The following RYR3 variants were observed in gnomAD, a reference collection of about 807,000 sequenced individuals.
RYR3 encodes brain ryanodine receptor-calcium release channel.
In RYR3, 207 loss-of-function variants were observed where a neutral mutation model predicts 584.3. The ratio of observed to expected loss-of-function variants is 0.35; its 90% confidence interval spans 0.32 to 0.40. The LOEUF is 0.40. Among genes scored for constraint, RYR3 ranks in the 10% least tolerant of loss-of-function variants. The pLI, the probability that RYR3 is intolerant of heterozygous loss-of-function variation, is 1.00. For missense variants in RYR3, 5,616 were observed against 6,089.2 expected, an observed-to-expected ratio of 0.92 and a Z score of 2.59; for synonymous variants, 2,416 against 2,248.5, an observed-to-expected ratio of 1.07 and a Z score of -2.11.
chr15:33,861,866 C>T (rs373950651), intron 102 of RYR3, among the ~76,000 whole-genome samples: 1 of 152,136 alleles, frequency 6.6e-6, no homozygotes, highest in Non-Finnish European at 1.5e-5. Context: ...CTCAGGTGAT[C>T]TGCCTGCCTC....
At chr15:33,502,973 G>T (rs2052132410) in intron 2 of RYR3, among the ~76,000 whole-genome samples, 1 of 152,212 alleles carries the variant, frequency 6.6e-6, no homozygotes, top group African/African-American at 2.4e-5. Context: ...AGTATGCAAA[G>T]AAGGCTATCT....
intron 26 of RYR3, 143 bp from the exon 27 acceptor site, chr15:33,636,230 ACTC>A (rs2061490977): frequency 1.4e-6 from 1 of 722,888 alleles, no homozygotes; most frequent in Non-Finnish European, 2.4e-6. Flanking sequence ...AACATAGACC[ACTC>A]CTCCTTGTTG....
At chr15:33,460,596 C>A (rs1278667106) in intron 1 of RYR3, among the ~76,000 whole-genome samples, 5 of 152,188 alleles carry the variant, frequency 3.3e-5, no homozygotes, top group African/African-American at 1.2e-4. Flanking sequence ...GAGGGCCTAG[C>A]ACTGCATGGT....
intron 27 of RYR3, 108 bp downstream of exon 27, chr15:33,636,658 C>A: frequency 9.9e-7 from 1 of 1,010,244 alleles, no homozygotes; most frequent in East Asian, 2.5e-5. Flanking sequence ...CTGTCCTTTG[C>A]ATATTTGAAA....
chr15:33,581,756 T>C, intron 14 of RYR3, 113 bp downstream of exon 14: 1 of 921,014 alleles, frequency 1.1e-6, no homozygotes, highest in Non-Finnish European at 1.7e-6. Flanking sequence ...GACTGCCTCA[T>C]TCCTTAGAAG....
chr15:33,855,051 A>G, intron 98 of RYR3, 139 bp downstream of exon 98: 1 of 881,806 alleles, frequency 1.1e-6, no homozygotes. Flanking sequence ...CACTTCAACT[A>G]ATGGTGATTG....
intron 1 of RYR3, among the ~76,000 whole-genome samples, chr15:33,355,920 T>G (rs1973910784): frequency 6.6e-6 from 1 of 152,216 alleles, no homozygotes; most frequent in Non-Finnish European, 1.5e-5. Flanking sequence ...ATTTGTCTAT[T>G]CAAAACTTGT....
chr15:33,848,832 T>TTA, intron 94 of RYR3, among the ~76,000 whole-genome samples: 1 of 134,042 alleles, frequency 7.5e-6, no homozygotes, highest in South Asian at 2.6e-4. Context: ...TCCTCTTTTT[T>TTA]TTTTTTTTTT....
intron 3 of RYR3, among the ~76,000 whole-genome samples, chr15:33,517,201 G>C (rs969774697): frequency 2.0e-5 from 3 of 152,136 alleles, no homozygotes; most frequent in African/African-American, 7.2e-5. Flanking sequence ...CACCGTGTTG[G>C]CCAGGGTGGT....
intron 43 of RYR3, among the ~76,000 whole-genome samples, chr15:33,714,933 C>G (rs1176344055): frequency 6.6e-6 from 1 of 152,164 alleles, no homozygotes; most frequent in Non-Finnish European, 1.5e-5. Flanking sequence ...TGTAATCAAC[C>G]ACACCTACCT....
intron 1 of RYR3, among the ~76,000 whole-genome samples, chr15:33,417,998 A>C (rs1451582127): frequency 6.6e-6 from 1 of 152,122 alleles, no homozygotes; most frequent in African/African-American, 2.4e-5. Flanking sequence ...CGTATGTTGA[A>C]CCATCTTTGC....
chr15:33,473,277 C>A (rs1022145246), intron 1 of RYR3, 142 bp from the exon 2 acceptor site: 2 of 946,424 alleles, frequency 2.1e-6, no homozygotes, highest in Non-Finnish European at 3.4e-6. Flanking sequence ...AATCTCCTTC[C>A]GTAATCAGGT....
At chr15:33,858,061 G>T in intron 99 of RYR3, 147 bp downstream of exon 99, 6 of 1,043,996 alleles carry the variant, frequency 5.7e-6, no homozygotes, top group Non-Finnish European at 8.1e-6. Context: ...GTAGAAGACA[G>T]ATGTCTTCTC....
At chr15:33,820,385 A>G (rs897903958) in intron 77 of RYR3, among the ~76,000 whole-genome samples, 3 of 152,186 alleles carry the variant, frequency 2.0e-5, no homozygotes, top group African/African-American at 7.2e-5. Context: ...TGTGTCTCCA[A>G]TCTTAATGCC....
chr15:33,794,182 T>C (rs1399564534), intron 67 of RYR3, among the ~76,000 whole-genome samples: 1 of 75,684 alleles, frequency 1.3e-5, no homozygotes, highest in African/African-American at 3.6e-5. Flanking sequence ...ATATACATTA[T>C]ATATAAATAT....
At chr15:33,464,046 T>C (rs2048251000) in intron 1 of RYR3, among the ~76,000 whole-genome samples, 1 of 152,184 alleles carries the variant, frequency 6.6e-6, no homozygotes, top group Non-Finnish European at 1.5e-5. Context: ...GCCTACCATA[T>C]GCCAGGCACT....
intron 31 of RYR3, 25 bp downstream of exon 31, chr15:33,649,260 G>T: frequency 6.2e-7 from 1 of 1,601,180 alleles, no homozygotes; most frequent in Non-Finnish European, 8.5e-7. Context: ...AAGTGGCAGG[G>T]TTAGCCATCG....
intron 16 of RYR3, among the ~76,000 whole-genome samples, chr15:33,586,741 C>G (rs574382785): frequency 6.6e-6 from 1 of 152,256 alleles, no homozygotes; most frequent in South Asian, 2.1e-4. Flanking sequence ...TTTGAGATCT[C>G]TTATAGTTCT....
intron 12 of RYR3, among the ~76,000 whole-genome samples, chr15:33,575,266 T>C (rs1282727724): frequency 2.0e-5 from 3 of 152,118 alleles, no homozygotes; most frequent in Non-Finnish European, 2.9e-5. Context: ...CAGTTCTGGA[T>C]CAAGTGGACC....
Sources: allele counts gnomAD v4.1 joint callset (sites outside exome capture counted in the v4.1 genomes callset), GRCh38; gene constraint gnomAD v4.1.1; transcripts MANE v1.5; gene names NCBI Gene and HGNC (gene_info 2026-07-23, HGNC 2026-07-21).